The following CD33 variants were observed in gnomAD, a reference collection of about 807,000 sequenced individuals.
CD33 encodes the protein myeloid cell surface antigen CD33.
In CD33, 25 loss-of-function variants were observed where a neutral mutation model predicts 31.4. The observed-to-expected ratio is 0.80, with a 90% CI of 0.58 to 1.11. CD33 has a LOEUF of 1.11. Ranked by LOEUF, CD33 falls within the 50% of genes most tolerant of loss-of-function variation. The probability of loss-of-function intolerance (pLI) is 0.00; values close to 1 mark genes in which losing one functional copy is unlikely to be tolerated. For missense variants in CD33, 407 were observed against 448.1 expected (o/e 0.91, Z 0.83); for synonymous variants, 176 against 180.6 (o/e 0.97, Z 0.20).
chr19:51,239,685 G>A lies in CD33; in HGVS notation c.1092G>A (p.Gln364=). The A allele has an allele frequency of 2.5e-6, 4 of 1,607,906 alleles. No homozygotes were observed. In the South Asian group the frequency reaches 4.4e-5, roughly 18 times the overall value. The change falls in exon 7 of 7, where the codon CAG becomes CAA. Residue 364 remains glutamine, a synonymous_variant. Coordinates refer to ENST00000262262, the MANE Select transcript of CD33 (RefSeq NM_001772.4). The part of the protein sequence containing the change: ...TSTEYSEVRT[Q] ...CCGAATACTCAGAGGTCAGGACCCA[G>A]TGAGGAACCCACAAGAGCATCAGGC...
intron 4 of CD33, among the ~76,000 whole-genome samples, chr19:51,231,321 A>G (rs543730248): frequency 6.6e-6 from 1 of 152,306 alleles, no homozygotes; most frequent in African/African-American, 2.4e-5. Flanking sequence ...CCCTGGACTC[A>G]CTTTATGTAC....
chr19:51,225,939 C>A lies in CD33; in HGVS notation c.555C>A (p.Thr185=). ...PIFSWLSAAP[T]SLGPRTTHSS... The stretch of plus-strand genomic sequence containing the variant: ...TCTCCTGGTTGTCAGCTGCCCCCAC[C>A]TCCCTGGGCCCCAGGACTACTCACT... Residue 185 remains threonine (T), a synonymous_variant, in exon 3 of 7, where the codon ACC becomes ACA. Coordinates refer to ENST00000262262, the MANE Select transcript of CD33 (RefSeq NM_001772.4). The A allele has an allele frequency of 6.2e-7, 1 of 1,614,132 alleles. No individual in the cohort carries two copies. Among genetic ancestry groups the A allele is most frequent in the South Asian group, 1.1e-5 (1 of 91,074 alleles).
chr19:51,212,114 G>C, the CD33 span: 9 of 601,198 alleles, frequency 1.5e-5, no homozygotes, highest in Admixed American at 2.1e-4. Flanking sequence ...GGGTGTGATG[G>C]GGGGAGGACC....
chr19:51,222,506 G>A (rs139960416), upstream of CD33, among the ~76,000 whole-genome samples: 56 of 152,152 alleles, frequency 3.7e-4, no homozygotes, highest in Non-Finnish European at 1.5e-4. Context: ...AAACATTATA[G>A]TATACACATA....
intron 4 of CD33, among the ~76,000 whole-genome samples, chr19:51,228,838 A>G (rs1200454555): frequency 6.6e-6 from 1 of 152,112 alleles, no homozygotes; most frequent in Non-Finnish European, 1.5e-5. Flanking sequence ...AGGTTTTTGT[A>G]TGTTATTTGC....
chr19:51,227,136 T>C (rs1235321309), intron 4 of CD33, among the ~76,000 whole-genome samples: 3 of 152,164 alleles, frequency 2.0e-5, no homozygotes, highest in Non-Finnish European at 4.4e-5. Flanking sequence ...GACACTTAGG[T>C]TTATTTCATA....
rs369307221 is a variant in CD33 at position 51,225,269 on chromosome 19, C to G, written c.89C>G (p.Thr30Arg). 1 of 1,613,888 alleles carries G rather than the reference C, an allele frequency of 6.2e-7. No individual in the cohort carries two copies. Among genetic ancestry groups the G allele is most frequent in the Non-Finnish European group, 8.5e-7 (1 of 1,179,940 alleles). The change falls in exon 2 of 7, where the codon ACG (threonine) becomes AGG (arginine). Residue 30 changes from threonine (T) to arginine (R), a missense_variant. Coordinates refer to ENST00000262262, the MANE Select transcript of CD33 (RefSeq NM_001772.4). ...NFWLQVQESV[T>R]VQEGLCVLVP... is the part of the protein sequence containing the mutation. ...TGGCTGCAAGTGCAGGAGTCAGTGACGGTACAGGAGGGTTTGTGCGTCCTC... is the reference window on the plus strand; with the variant it reads ...TGGCTGCAAGTGCAGGAGTCAGTGAGGGTACAGGAGGGTTTGTGCGTCCTC...
chr19:51,225,473 G>C lies in CD33; in HGVS notation c.293G>C (p.Arg98Thr). ...TTCCGCCTCCTTGGGGATCCCAGTA[G>C]GAACAACTGCTCCCTGAGCATCGTA... ...GRFRLLGDPS[R>T]NNCSLSIVDA... Residue 98 changes from arginine (R) to threonine (T), a missense_variant, in exon 2 of 7, where the codon AGG becomes ACG. Arg to Thr is a moderately conservative substitution (Grantham distance 71). Coordinates refer to ENST00000262262, the MANE Select transcript of CD33 (RefSeq NM_001772.4). The C allele has an allele frequency of 1.2e-6, 2 of 1,613,952 alleles. No homozygotes were observed. The highest frequency in any genetic ancestry group is 2.2e-5 in the South Asian group (2 of 91,068).
rs762522411 is a variant in CD33 at position 51,226,010 on chromosome 19, A to G, written c.626A>G (p.Asn209Ser). 4.3e-6 allele frequency: 7 copies of G among 1,613,894 alleles called. No individual in the cohort carries two copies. In the East Asian group the frequency reaches 1.6e-4, roughly 36 times the overall value. Residue 209 changes from asparagine (N) to serine (S), a missense_variant, in exon 3 of 7, where the codon AAC becomes AGC. By Grantham distance (46) the Asn-to-Ser change is conservative. Transcript: ENST00000262262. ...ITPRPQDHGT[N>S]LTCQVKFAGA... ...CCACGGCCCCAGGACCACGGCACCA[A>G]CCTGACCTGTCAGGTGAAGTTCGCT...
upstream of CD33, among the ~76,000 whole-genome samples, chr19:51,222,774 G>A (rs537949169): frequency 5.9e-5 from 9 of 152,246 alleles, no homozygotes; most frequent in South Asian, 4.1e-4. Flanking sequence ...GTACATACTC[G>A]TCAAATCTCA....
At chr19:51,235,774 C>A in intron 6 of CD33, 98 bp downstream of exon 6, 2 of 999,568 alleles carry the variant, frequency 2.0e-6, no homozygotes, top group Non-Finnish European at 3.1e-6. Flanking sequence ...CAGAACTGAG[C>A]TTATTGTCTT....
chr19:51,235,305 T>A, intron 5 of CD33, 52 bp downstream of exon 5: 1 of 1,527,448 alleles, frequency 6.5e-7, no homozygotes, highest in Non-Finnish European at 9.1e-7. Flanking sequence ...AGGATGGACC[T>A]GGTGTAGAAG....
At chr19:51,233,918 G>A (rs1377359876) in intron 4 of CD33, among the ~76,000 whole-genome samples, 4 of 152,050 alleles carry the variant, frequency 2.6e-5, no homozygotes, top group Non-Finnish European at 5.9e-5. Context: ...CTCTCCCTTC[G>A]ACACTCCACT....
In CD33 at chr19:51,225,970, G is replaced by A; in HGVS notation, c.586G>A (p.Val196Met). The change falls in exon 3 of 7, where the codon GTG becomes ATG. Residue 196 changes from valine (V) to methionine (M), a missense_variant. Physicochemically the swap from Val to Met is conservative, Grantham distance 21. Coordinates refer to ENST00000262262, the MANE Select transcript of CD33 (RefSeq NM_001772.4). Reference protein sequence around the residue: ...SLGPRTTHSSVLIITPRPQDH... With the variant: ...SLGPRTTHSSMLIITPRPQDH... ...GGGCCCCAGGACTACTCACTCCTCG[G>A]TGCTCATAATCACCCCACGGCCCCA... 1 of 1,614,002 alleles carries A rather than the reference G, an allele frequency of 6.2e-7. No individual in the cohort carries two copies. The highest frequency in any genetic ancestry group is 1.3e-5 in the African/African-American group (1 of 74,988).
chr19:51,224,913 C>T (rs141919371), upstream of CD33, among the ~76,000 whole-genome samples: 460 of 152,244 alleles, frequency 3.0e-3, no homozygotes, highest in African/African-American at 0.01. Context: ...CATCTCTGGG[C>T]GGGTCTCTGG....
chr19:51,223,534 A>C (rs544400240), upstream of CD33, among the ~76,000 whole-genome samples: 1 of 152,248 alleles, frequency 6.6e-6, no homozygotes, highest in East Asian at 1.9e-4. Context: ...CACTCCACTC[A>C]TGTTGTCTGG....
At chr19:51,220,654 C>A (rs923802898), upstream of CD33, among the ~76,000 whole-genome samples, 13 of 152,218 alleles carry the variant, frequency 8.5e-5, no homozygotes, top group Middle Eastern at 3.4e-3. Context: ...TGTAAGAATA[C>A]CTATAAAGTA....
intron 6 of CD33, chr19:51,236,512 A>C (rs1399839): frequency 0.41 from 62,407 of 152,788 alleles, 14,229 homozygotes; most frequent in Non-Finnish European, 0.51. Context: ...ACTGGTTTGC[A>C]CATGAAAGGT....
At chr19:51,235,325 G>A (rs1981704826) in intron 5 of CD33, 72 bp downstream of exon 5, 2 of 1,424,174 alleles carry the variant, frequency 1.4e-6, no homozygotes, top group African/African-American at 1.4e-5. Flanking sequence ...GGGTCCTGGA[G>A]GGGCTGTGAG....
Sources: gnomAD v4.1 joint callset for allele counts (sites outside exome capture counted in the v4.1 genomes callset) on GRCh38, gnomAD v4.1.1 for gene constraint, MANE v1.5 for transcripts, NCBI Gene and HGNC (gene_info 2026-07-23, HGNC 2026-07-21) for gene names.